NAALADL2: variants seen among roughly 807,000 people sequenced by gnomAD.
NAALADL2 encodes inactive N-acetylated-alpha-linked acidic dipeptidase-like protein 2.
NAALADL2 carries 76 observed loss-of-function variants against 87.2 expected under a neutral mutation model. That is an observed-to-expected ratio of 0.87 (90% CI 0.72 to 1.05). The LOEUF is 1.05. NAALADL2 is among the 50% of genes least tolerant of loss of function. The pLI, the probability that NAALADL2 is intolerant of heterozygous loss-of-function variation, is 0.00. For synonymous variants in NAALADL2, 354 were observed against 331.0 expected, an observed-to-expected ratio of 1.07 and a Z score of -0.75; for missense variants, 1,089 against 945.8, an observed-to-expected ratio of 1.15 and a Z score of -1.99.
chr3:175,046,410 C>CT (rs890995171), intron 1 of NAALADL2, among the ~76,000 whole-genome samples: 1 of 152,140 alleles, frequency 6.6e-6, no homozygotes, highest in African/African-American at 2.4e-5. Flanking sequence ...GCTTTTCATA[C>CT]TTTTTTTTCA....
chr3:175,511,698 AAAG>A (rs1210704980), intron 9 of NAALADL2, among the ~76,000 whole-genome samples: 1 of 152,222 alleles, frequency 6.6e-6, no homozygotes, highest in East Asian at 1.9e-4. Context: ...TAATGTGTGG[AAAG>A]ATTTAGTGAC....
At chr3:175,400,200 T>C (rs1453399221) in intron 5 of NAALADL2, among the ~76,000 whole-genome samples, 1 of 152,152 alleles carries the variant, frequency 6.6e-6, no homozygotes, top group Non-Finnish European at 1.5e-5. Flanking sequence ...CACAATATTC[T>C]TGGGCTATAT....
chr3:174,449,332 A>G (rs1281989747), intron 1 of NAALADL2, among the ~76,000 whole-genome samples: 2 of 152,216 alleles, frequency 1.3e-5, no homozygotes, highest in Non-Finnish European at 2.9e-5. Context: ...GGAAGAAAAA[A>G]CAAAAAACAT....
chr3:174,918,288 A>G (rs1016220423), intron 1 of NAALADL2, among the ~76,000 whole-genome samples: 3 of 152,154 alleles, frequency 2.0e-5, no homozygotes. Context: ...ATACTATAAA[A>G]AAATATATTT....
intron 5 of NAALADL2, among the ~76,000 whole-genome samples, chr3:175,367,884 A>C (rs1001617444): frequency 4.8e-4 from 73 of 152,300 alleles, no homozygotes; most frequent in African/African-American, 1.7e-3. Flanking sequence ...CAGAACTTCC[A>C]ACACTATGTT....
intron 10 of NAALADL2, among the ~76,000 whole-genome samples, chr3:175,600,750 G>C (rs1329941090): frequency 6.6e-6 from 1 of 151,650 alleles, no homozygotes; most frequent in Non-Finnish European, 1.5e-5. Context: ...TGTTAGCCAG[G>C]ATGGTCTCGA....
chr3:175,799,000 T>TA (rs1272901678), intron 13 of NAALADL2, among the ~76,000 whole-genome samples: 2 of 152,020 alleles, frequency 1.3e-5, no homozygotes, highest in Non-Finnish European at 2.9e-5. Context: ...ATGCCCCCCA[T>TA]AATATACTAG....
intron 10 of NAALADL2, among the ~76,000 whole-genome samples, chr3:175,607,847 C>A (rs1723982210): frequency 6.6e-6 from 1 of 151,484 alleles, no homozygotes; most frequent in Admixed American, 6.6e-5. Context: ...TTCTAATGAG[C>A]AGCTAGGAAT....
chr3:174,718,992 G>A lies in NAALADL2; in HGVS notation c.-114-18649G>A, dbSNP rs955047011. Among the ~76,000 whole-genome samples the A allele has an allele frequency of 1.1e-4, 16 of 152,080 alleles. No homozygotes were observed. The South Asian group carries it at 2.7e-3, about 26-fold the overall frequency. On this transcript the variant is annotated intron_variant, in intron 2 of 3. Coordinates refer to the NAALADL2 transcript ENST00000434257. ...TTCTGGTTGTTCTTGAAGCCATTCT[G>A]TACAGGGAATAATAACCACCCACAC...
chr3:174,696,344 T>G (rs1729007902), intron 2 of NAALADL2, among the ~76,000 whole-genome samples: 1 of 151,894 alleles, frequency 6.6e-6, no homozygotes. Context: ...ATTTGAAGAG[T>G]AGACATATGA....
intron 5 of NAALADL2, among the ~76,000 whole-genome samples, chr3:175,396,557 T>G (rs2149040806): frequency 6.6e-6 from 1 of 152,060 alleles, no homozygotes; most frequent in East Asian, 1.9e-4. Context: ...TTCCTTGCAT[T>G]AAGTCCCAAA....
At chr3:175,169,641 T>G (rs1359498065) in intron 2 of NAALADL2, among the ~76,000 whole-genome samples, 1 of 151,786 alleles carries the variant, frequency 6.6e-6, no homozygotes, top group Non-Finnish European at 1.5e-5. Flanking sequence ...CCGTTTTTAT[T>G]TTTTCTTTAT....
chr3:175,576,658 A>G (rs1029409731), intron 10 of NAALADL2, among the ~76,000 whole-genome samples: 1 of 152,050 alleles, frequency 6.6e-6, no homozygotes, highest in African/African-American at 2.4e-5. Flanking sequence ...AGATGGAAGC[A>G]TTTTTTTCCA....
In NAALADL2 at chr3:174,620,080, C is replaced by T. The variant is rs147500491; in HGVS notation, c.-115+69443C>T. 2.5e-3 allele frequency among the ~76,000 whole-genome samples: 387 copies of T among 152,030 alleles called. 2 individuals carry two copies. Among genetic ancestry groups the T allele is most frequent in the African/African-American group, 8.9e-3 (370 of 41,546 alleles). ...CAACACTTTATATTACAAAGTACCC[C>T]GATCCACAGGTAACTGTTTTACTTA... is the stretch of plus-strand genomic sequence containing the variant. On this transcript the variant is annotated intron_variant, in intron 2 of 3. Transcript: ENST00000434257.
At chr3:174,938,051 G>A (rs1041529578) in intron 1 of NAALADL2, among the ~76,000 whole-genome samples, 3 of 151,872 alleles carry the variant, frequency 2.0e-5, no homozygotes, top group Non-Finnish European at 4.4e-5. Context: ...AGGTTGGGGG[G>A]TACATGTGAA....
chr3:175,403,520 A>G (rs1468531536), intron 5 of NAALADL2, among the ~76,000 whole-genome samples: 2 of 152,098 alleles, frequency 1.3e-5, no homozygotes, highest in Admixed American at 6.6e-5. Context: ...GTAAAGGAAT[A>G]TCGTATATTT....
At chr3:175,531,805 C>T (rs771932895) in intron 9 of NAALADL2, among the ~76,000 whole-genome samples, 6 of 152,138 alleles carry the variant, frequency 3.9e-5, no homozygotes, top group Non-Finnish European at 5.9e-5. Flanking sequence ...GTTAAGCTTA[C>T]GATAATCCAC....
chr3:174,776,467 A>C (rs765462200), intron 3 of NAALADL2, among the ~76,000 whole-genome samples: 10 of 152,086 alleles, frequency 6.6e-5, no homozygotes, highest in Non-Finnish European at 1.3e-4. Context: ...AAATCTTATG[A>C]ATAACATTGA....
At chr3:174,720,440 A>G (rs529262) in intron 2 of NAALADL2, among the ~76,000 whole-genome samples, 45,057 of 152,008 alleles carry the variant, frequency 0.3, 7,213 homozygotes, top group Non-Finnish European at 0.36. Context: ...TGATAGCTAT[A>G]TAGAGAGATA....
Sources: allele counts gnomAD v4.1 joint callset (sites outside exome capture counted in the v4.1 genomes callset), GRCh38; gene constraint gnomAD v4.1.1; transcripts MANE v1.5; gene names NCBI Gene and HGNC (gene_info 2026-07-23, HGNC 2026-07-21).